The following BCAS3 variants were observed in gnomAD, a reference collection of about 807,000 sequenced individuals.
BCAS3 encodes BCAS3 microtubule associated cell migration factor.
BCAS3 carries 53 observed loss-of-function variants against 116.1 expected under a neutral mutation model. The ratio of observed to expected loss-of-function variants is 0.46; its 90% CI spans 0.37 to 0.57. The LOEUF is 0.57. Among genes scored for constraint, BCAS3 ranks in the 20% least tolerant of loss-of-function variants. BCAS3 has a pLI of 0.00. For missense variants in BCAS3, 917 were observed against 1,165.4 expected (o/e 0.79, Z 3.10); for synonymous variants, 391 against 408.2 (o/e 0.96, Z 0.51).
chr17:60,928,880 C>T (rs2059495340), intron 13 of BCAS3, among the ~76,000 whole-genome samples: 1 of 152,158 alleles, frequency 6.6e-6, no homozygotes, highest in South Asian at 2.1e-4. Context: ...ACTCTTCTAA[C>T]CCTTCTGATT....
intron 22 of BCAS3, among the ~76,000 whole-genome samples, chr17:61,191,542 G>A (rs932690083): frequency 4.6e-5 from 7 of 152,118 alleles, no homozygotes; most frequent in African/African-American, 9.7e-5. Context: ...TTGGGAGTCC[G>A]AGGCGGGCGG....
At chr17:60,929,743 C>T (rs2059548111) in intron 13 of BCAS3, among the ~76,000 whole-genome samples, 1 of 128,956 alleles carries the variant, frequency 7.8e-6, no homozygotes, top group Non-Finnish European at 1.6e-5. Flanking sequence ...CAACAGTCCC[C>T]AGAGTGTGAT....
rs928770088 is a variant in BCAS3 at position 61,346,608 on chromosome 17, A to G, written c.2426-21719A>G. Among the ~76,000 whole-genome samples the G allele has an allele frequency of 8.5e-5, 13 of 152,214 alleles. No individual in the cohort carries two copies. The highest frequency in any genetic ancestry group is 2.9e-4 in the African/African-American group (12 of 41,452). On this transcript the variant is annotated intron_variant, in intron 22 of 23. Transcript: ENST00000407086. This position sits in a 1 kb window ranked among gnomAD's most constrained non-coding sequence, Gnocchi z 5.4. The stretch of plus-strand genomic sequence containing the variant: ...TGTATAAATTGAGCCAAGAGAGGTA[A>G]ATAATTTACCCAGGGCTATGTAACT...
At chr17:61,253,857 T>TG (rs889564713) in intron 22 of BCAS3, among the ~76,000 whole-genome samples, 1 of 152,072 alleles carries the variant, frequency 6.6e-6, no homozygotes, top group South Asian at 2.1e-4. Flanking sequence ...ACGGTTTACA[T>TG]GGGGGAAAAC....
chr17:60,921,627 A>AC (rs1168048153), intron 12 of BCAS3, among the ~76,000 whole-genome samples: 1 of 150,402 alleles, frequency 6.6e-6, no homozygotes, highest in Admixed American at 6.6e-5. Flanking sequence ...AAAAAAAAAA[A>AC]AAAAAAAAAC....
chr17:61,100,745 CTG>C (rs1341985891), intron 22 of BCAS3, among the ~76,000 whole-genome samples: 5 of 152,188 alleles, frequency 3.3e-5, no homozygotes, highest in Non-Finnish European at 7.4e-5. Context: ...CAAAGAGAAA[CTG>C]TGTGGCTAGG....
intron 22 of BCAS3, among the ~76,000 whole-genome samples, chr17:61,252,658 G>A (rs912552742): frequency 6.6e-6 from 1 of 151,828 alleles, no homozygotes; most frequent in African/African-American, 2.4e-5. Flanking sequence ...CATGTAGAGT[G>A]GCAGAGGTGA....
At chr17:60,955,287 G>C (rs1418541906) in intron 14 of BCAS3, among the ~76,000 whole-genome samples, 1 of 151,486 alleles carries the variant, frequency 6.6e-6, no homozygotes, top group Non-Finnish European at 1.5e-5. Flanking sequence ...CCATAAAAAA[G>C]TCAAATCAAT....
At position 61,151,715 on chromosome 17, in the gene BCAS3, CG is replaced by C. The variant is rs2077551893; in HGVS notation, c.2425+67152del. ...TCAAGTGAGCCTCCTGCCTTGGCCCCGCAAAGTGCTGGGATTACAAGCATGA... is the reference window on the plus strand; with the variant it reads ...TCAAGTGAGCCTCCTGCCTTGGCCCCCAAAGTGCTGGGATTACAAGCATGA... On this transcript the variant is annotated intron_variant, in intron 22 of 23. Transcript: ENST00000407086. This position sits in a 1 kb window ranked among gnomAD's most constrained non-coding sequence, Gnocchi z 4.8. Among the ~76,000 whole-genome samples, 1 of 152,134 alleles carries C rather than the reference CG, an allele frequency of 6.6e-6. No homozygotes were observed. Among genetic ancestry groups the C allele is most frequent in the South Asian group, 2.1e-4 (1 of 4,826 alleles).
chr17:60,723,611 T>C (rs551819478), intron 5 of BCAS3, among the ~76,000 whole-genome samples: 7 of 152,292 alleles, frequency 4.6e-5, no homozygotes, highest in African/African-American at 1.7e-4. Flanking sequence ...GACATTTAAA[T>C]TTGATGCAGT....
chr17:60,845,492 G>A (rs2052431161), intron 7 of BCAS3, among the ~76,000 whole-genome samples: 1 of 152,136 alleles, frequency 6.6e-6, no homozygotes, highest in Non-Finnish European at 1.5e-5. Context: ...CCTTAACAGT[G>A]GCCACTGCTC....
intron 22 of BCAS3, among the ~76,000 whole-genome samples, chr17:61,223,463 A>G (rs925520056): frequency 4.6e-5 from 7 of 152,118 alleles, no homozygotes; most frequent in Non-Finnish European, 8.8e-5. Context: ...CCAGCCACAG[A>G]GCTGTTTTTT....
Position 61,282,684 on chromosome 17 carries a change from C to A in BCAS3, c.2426-85643C>A, listed in dbSNP as rs2051344926. Among the ~76,000 whole-genome samples the A allele has an allele frequency of 6.6e-6, 1 of 152,168 alleles. No homozygotes were observed. Among genetic ancestry groups the A allele is most frequent in the South Asian group, 2.1e-4 (1 of 4,826 alleles). On this transcript the variant is annotated intron_variant, in intron 22 of 23. Transcript: ENST00000407086. This position sits in a 1 kb window ranked among gnomAD's most constrained non-coding sequence, Gnocchi z 5.9. ...TTTGAAAAAGAAGGAAGCCCATCAA[C>A]ACAGAGGATTATGAATCAGACCCTT...
At chr17:61,341,706 G>A (rs1045298473) in intron 22 of BCAS3, among the ~76,000 whole-genome samples, 37 of 152,162 alleles carry the variant, frequency 2.4e-4, no homozygotes, top group Admixed American at 5.9e-4. Flanking sequence ...GTCCAAAGCC[G>A]CAATGGTTGT....
rs557907234 is a variant in BCAS3, at chr17:61,020,414, T to C, written c.1637+4513T>C. On this transcript the variant is annotated intron_variant, in intron 16 of 23. Coordinates refer to ENST00000407086, the MANE Select transcript of BCAS3 (RefSeq NM_017679.5). The surrounding 1 kb of genome is among the most constrained non-coding windows in gnomAD (Gnocchi z 4.5). ...CACTTGGAGGTAATAAGGCCTGTTT[T>C]GGCAACAGCTGCTGCTTAACTCTGT... 3.3e-5 allele frequency among the ~76,000 whole-genome samples: 5 copies of C among 152,334 alleles called. No homozygotes were observed. Among genetic ancestry groups the C allele is most frequent in the Admixed American group, 1.3e-4 (2 of 15,294 alleles).
intron 22 of BCAS3, among the ~76,000 whole-genome samples, chr17:61,135,271 G>A (rs944835136): frequency 6.6e-6 from 1 of 152,200 alleles, no homozygotes; most frequent in Non-Finnish European, 1.5e-5. Context: ...TAGGGAGCAA[G>A]TTTAAGACTG....
chr17:61,145,093 A>T lies in BCAS3; in HGVS notation c.2425+60529A>T, dbSNP rs1007286901. 6.6e-6 allele frequency among the ~76,000 whole-genome samples: 1 copy of T among 152,204 alleles called. No individual in the cohort carries two copies. The highest frequency in any genetic ancestry group is 2.4e-5 in the African/African-American group (1 of 41,454). On this transcript the variant is annotated intron_variant, in intron 22 of 23. Transcript: ENST00000407086. The surrounding 1 kb of genome is among the most constrained non-coding windows in gnomAD (Gnocchi z 5.0). ...TTATCAAAACTCTCCCTGGAGGGAG[A>T]TGCAACTTTGGCTCGCCTCACCGGC... is the stretch of plus-strand genomic sequence containing the variant.
intron 22 of BCAS3, among the ~76,000 whole-genome samples, chr17:61,293,963 AT>A (rs1255911622): frequency 1.3e-5 from 2 of 152,146 alleles, no homozygotes; most frequent in Admixed American, 1.3e-4. Context: ...AGGTTTCACC[AT>A]GTTGGCCAGG....
Position 61,179,950 on chromosome 17 carries a change from C to G in BCAS3, c.2425+95386C>G, listed in dbSNP as rs1453519275. Among the ~76,000 whole-genome samples the G allele has an allele frequency of 3.4e-5, 5 of 147,790 alleles. No individual in the cohort carries two copies. The Admixed American group carries it at 3.5e-4, about 10-fold the overall frequency. On this transcript the variant is annotated intron_variant, in intron 22 of 23. Transcript: ENST00000407086. Reference sequence around the variant, plus strand: ...CATCTAGAAGCACTCACTTGAGACACTTTCAGCAGGATATTCAGTCGTTTA... The same window carrying G: ...CATCTAGAAGCACTCACTTGAGACAGTTTCAGCAGGATATTCAGTCGTTTA...
Sources: gnomAD v4.1 joint callset for allele counts (sites outside exome capture counted in the v4.1 genomes callset) on GRCh38, gnomAD v4.1.1 for gene constraint, Gnocchi (gnomAD v3.1) non-coding constraint, MANE v1.5 for transcripts, NCBI Gene and HGNC (gene_info 2026-07-23, HGNC 2026-07-21) for gene names.